Variants in PLAC1 observed in about 807,000 individuals in gnomAD.
PLAC1 encodes the protein placenta-specific protein 1.
For missense variants in PLAC1, 136 were observed against 163.2 expected, an observed-to-expected ratio of 0.83 and a Z score of 0.91; for synonymous variants, 68 against 62.1, an observed-to-expected ratio of 1.09 and a Z score of -0.44.
chrX:134,587,863 G>C (rs1003331001), intron 2 of PLAC1, among the ~76,000 whole-genome samples: 1 of 112,088 alleles, frequency 8.9e-6, no homozygotes, highest in African/African-American at 3.2e-5. Context: ...CAGGCAGTGC[G>C]GGAAGGGGAC....
chrX:134,622,799 A>C (rs1454816950), intron 1 of PLAC1, among the ~76,000 whole-genome samples: 1 of 111,893 alleles, frequency 8.9e-6, no homozygotes, highest in African/African-American at 3.2e-5. Context: ...AGAGGTTTGG[A>C]TATGATGACC....
chrX:134,601,192 A>T (rs766437974), intron 2 of PLAC1, among the ~76,000 whole-genome samples: 12 of 111,794 alleles, frequency 1.1e-4, no homozygotes, highest in African/African-American at 1.6e-4. Context: ...TCTTCTAAAC[A>T]TGATTTTAAA....
intron 2 of PLAC1, among the ~76,000 whole-genome samples, chrX:134,671,656 C>T (rs1020149737): frequency 8.2e-5 from 9 of 110,419 alleles, no homozygotes; most frequent in African/African-American, 3.0e-4. Flanking sequence ...CATCAGACCT[C>T]GTGAGAACTC....
At chrX:134,758,842 C>G (rs1479434303) in intron 1 of PLAC1, among the ~76,000 whole-genome samples, 1 of 111,869 alleles carries the variant, frequency 8.9e-6, no homozygotes, top group Non-Finnish European at 1.9e-5. Context: ...AAGAAACAAC[C>G]TGTTGAATAT....
chrX:134,565,952 A>G lies in PLAC1; in HGVS notation c.*92T>C. On this transcript the variant is annotated 3_prime_UTR_variant, in exon 3 of 3. Coordinates refer to ENST00000359237, the MANE Select transcript of PLAC1 (RefSeq NM_021796.4). ...GTTTCTCTTTCTCAAAAGTGCTCAC[A>G]TGAGGGTCACAAGAGCACTTATTTG... 1.3e-6 allele frequency: 1 copy of G among 762,658 alleles called. No individual in the cohort carries two copies. The highest frequency in any genetic ancestry group is 3.2e-5 in the East Asian group (1 of 31,506). The allele number at this position is 762,658 out of a possible 1,213,427, so 62.9% of individuals were successfully genotyped here.
At chrX:134,625,478 A>C (rs1183718196) in intron 1 of PLAC1, among the ~76,000 whole-genome samples, 1 of 112,149 alleles carries the variant, frequency 8.9e-6, no homozygotes, top group Non-Finnish European at 1.9e-5. Flanking sequence ...AGCCCTTCAA[A>C]GTGATTCAGC....
intron 2 of PLAC1, among the ~76,000 whole-genome samples, chrX:134,710,439 C>T (rs1221958382): frequency 8.9e-6 from 1 of 111,945 alleles, no homozygotes; most frequent in East Asian, 2.8e-4. Flanking sequence ...TGTATGTACT[C>T]TTTAACCCAG....
At chrX:134,679,573 C>A (rs1477865307) in intron 2 of PLAC1, among the ~76,000 whole-genome samples, 4 of 111,465 alleles carry the variant, frequency 3.6e-5, no homozygotes, top group Non-Finnish European at 5.6e-5. Flanking sequence ...CACAACTGAG[C>A]AAGCAGGCCA....
rs182617353 is a variant in PLAC1 at position 134,574,967 on chromosome X, C to A, written c.-58-8227G>T. ...ACCACAGGCTGGATATCTGTTCCTC[C>A]TGAGAGCAGACCTACACATCCACTC... is the stretch of plus-strand genomic sequence containing the variant. On this transcript the variant is annotated intron_variant, in intron 2 of 2. Coordinates refer to ENST00000359237, the MANE Select transcript of PLAC1 (RefSeq NM_021796.4). Among the ~76,000 whole-genome samples the A allele has an allele frequency of 5.3e-3, 592 of 110,911 alleles. 3 individuals are homozygous for A. The highest frequency in any genetic ancestry group is 7.6e-3 in the Non-Finnish European group (402 of 52,893).
chrX:134,568,968 CTCCTTCTT>C (rs2124345148), intron 2 of PLAC1, among the ~76,000 whole-genome samples: 1 of 110,532 alleles, frequency 9.0e-6, no homozygotes, highest in Admixed American at 9.7e-5. Context: ...TTTTCTCTCT[CTCCTTCTT>C]TCCTTCTTTC....
intron 1 of PLAC1, among the ~76,000 whole-genome samples, chrX:134,734,281 C>T (rs1465955005): frequency 1.8e-5 from 2 of 113,158 alleles, no homozygotes; most frequent in Non-Finnish European, 3.7e-5. Flanking sequence ...GTCCTCAGTC[C>T]ATTGGCAATG....
intron 2 of PLAC1, among the ~76,000 whole-genome samples, chrX:134,703,147 G>C (rs780182907): frequency 1.8e-5 from 2 of 111,790 alleles, no homozygotes; most frequent in East Asian, 5.6e-4. Flanking sequence ...TAAATTGAAA[G>C]CAATGTATTA....
At chrX:134,636,430 C>T (rs1043808073) in intron 1 of PLAC1, among the ~76,000 whole-genome samples, 1 of 112,052 alleles carries the variant, frequency 8.9e-6, no homozygotes, top group Non-Finnish European at 1.9e-5. Context: ...AGTTTCACAT[C>T]TTGATAAGGT....
At chrX:134,720,885 T>A (rs1602935420) in intron 2 of PLAC1, among the ~76,000 whole-genome samples, 1 of 112,252 alleles carries the variant, frequency 8.9e-6, no homozygotes. Flanking sequence ...CTCAAACTCC[T>A]GGGCTCAAGT....
At chrX:134,600,582 T>C (rs1372332057) in intron 2 of PLAC1, among the ~76,000 whole-genome samples, 1 of 110,896 alleles carries the variant, frequency 9.0e-6, no homozygotes, top group African/African-American at 3.3e-5. Context: ...GTTCAAGAGT[T>C]TGAGGCTACA....
intron 2 of PLAC1, 24 bp from the exon 3 acceptor site, chrX:134,566,764 G>A (rs1046610278): frequency 2.6e-6 from 2 of 757,430 alleles, no homozygotes. Flanking sequence ...AAACACAAGA[G>A]GCAAGTCATC....
intron 2 of PLAC1, among the ~76,000 whole-genome samples, chrX:134,677,436 TAAAAG>T (rs1320431134): frequency 1.8e-5 from 2 of 110,833 alleles, no homozygotes; most frequent in Admixed American, 9.5e-5. Flanking sequence ...CTGAAGAAAA[TAAAAG>T]AAAACAGGGT....
chrX:134,637,664 A>G (rs1211568448), intron 1 of PLAC1, among the ~76,000 whole-genome samples: 2 of 111,769 alleles, frequency 1.8e-5, no homozygotes, highest in East Asian at 5.6e-4. Flanking sequence ...CCTGGCCAAC[A>G]TGGTCTAACC....
intron 1 of PLAC1, among the ~76,000 whole-genome samples, chrX:134,643,067 G>A (rs150956937): frequency 0.013 from 1,454 of 111,886 alleles, 28 homozygotes; most frequent in African/African-American, 0.045. Flanking sequence ...AAAAGTATAA[G>A]AGAATATTAT....
Sources: allele counts gnomAD v4.1 joint callset (sites outside exome capture counted in the v4.1 genomes callset), GRCh38; gene constraint gnomAD v4.1.1; transcripts MANE v1.5; gene names NCBI Gene and HGNC (gene_info 2026-07-23, HGNC 2026-07-21).